The following ALS2 variants were observed in gnomAD, a reference collection of about 807,000 sequenced individuals.
The protein encoded by ALS2 is alsin.
In ALS2, 117 loss-of-function variants were observed where a neutral mutation model predicts 203.4. The ratio of observed to expected loss-of-function variants is 0.58; its 90% CI spans 0.50 to 0.67. ALS2 has a LOEUF of 0.67. ALS2 is among the 30% of genes least tolerant of loss of function. The pLI is 0.00. For missense variants in ALS2, 1,715 were observed against 1,989.4 expected, an observed-to-expected ratio of 0.86 and a Z score of 2.62; for synonymous variants, 718 against 725.9, an observed-to-expected ratio of 0.99 and a Z score of 0.17.
chr2:201,729,891 A>G (rs898280770), intron 13 of ALS2, among the ~76,000 whole-genome samples: 1 of 151,728 alleles, frequency 6.6e-6, no homozygotes, highest in African/African-American at 2.4e-5. Context: ...AAAAAAAAAA[A>G]AAAAAAAAAA....
intron 3 of ALS2, among the ~76,000 whole-genome samples, chr2:201,764,012 T>C (rs1400495913): frequency 6.6e-6 from 1 of 152,214 alleles, no homozygotes; most frequent in Non-Finnish European, 1.5e-5. Context: ...AACTTTATCT[T>C]TGACCTATTA....
chr2:201,780,058 G>C (rs1052421843), intron 1 of ALS2: 2 of 152,150 alleles, frequency 1.3e-5, no homozygotes, highest in Admixed American at 1.3e-4. Context: ...CTTCACTTGG[G>C]TACAGCAGTC....
chr2:201,741,424 A>C, intron 11 of ALS2: 1 of 430,932 alleles, frequency 2.3e-6, no homozygotes. Context: ...ATTTAATGTA[A>C]ATTATGCTAT....
Position 201,741,766 on chromosome 2 carries a change from T to G in ALS2, c.2259A>C (p.Gly753=), listed in dbSNP as rs760264607. The change falls in exon 11 of 34, where the codon GGA becomes GGC. Residue 753 remains glycine (G), a synonymous_variant. Transcript: ENST00000264276. ...SKLCYLIGQH[G]ASLSSFLHGV... ...CATGAAGGAAGCTGCTCAATGAGGC[T>G]CCATGCTGACCAATGAGGTAACACA... is the stretch of plus-strand genomic sequence containing the variant. 1 of 1,614,126 alleles carries G rather than the reference T, an allele frequency of 6.2e-7. No homozygotes were observed. Among genetic ancestry groups the G allele is most frequent in the Non-Finnish European group, 8.5e-7 (1 of 1,180,012 alleles).
intron 33 of ALS2, among the ~76,000 whole-genome samples, chr2:201,702,905 C>G (rs551347563): frequency 3.9e-5 from 6 of 152,282 alleles, no homozygotes; most frequent in Non-Finnish European, 7.4e-5. Flanking sequence ...CATCTGAGGT[C>G]AGGAGTTCGT....
chr2:201,744,526 CTG>C, intron 9 of ALS2, 97 bp from the exon 10 acceptor site: 2 of 1,270,122 alleles, frequency 1.6e-6, no homozygotes, highest in Admixed American at 2.0e-5. Flanking sequence ...CAAGAGCTAA[CTG>C]TTAAATATTC....
chr2:201,705,049 G>T, intron 31 of ALS2, 90 bp downstream of exon 31: 1 of 1,298,786 alleles, frequency 7.7e-7, no homozygotes, highest in Non-Finnish European at 1.1e-6. Context: ...GATGCTTAAG[G>T]CTTAGGTAAA....
In ALS2 at chr2:201,767,127, A is replaced by G. The variant is rs1694129504; in HGVS notation, c.175+102T>C. On this transcript the variant is annotated intron_variant, in intron 3 of 33. Transcript: ENST00000264276. Reference sequence around the variant, plus strand: ...ATTTAAAAAAAAAAGAAAGAAAAAGAAAAAGAACCCCTAGTATCCAATGAC... The same window carrying G: ...ATTTAAAAAAAAAAGAAAGAAAAAGGAAAAGAACCCCTAGTATCCAATGAC... 19 of 1,371,402 alleles carry G rather than the reference A, an allele frequency of 1.4e-5. No individual in the cohort carries two copies. The South Asian group carries it at 2.4e-4, about 17-fold the overall frequency. 85.0% of individuals were successfully genotyped at this position (1,371,402 alleles called of 1,614,324 possible).
intron 25 of ALS2, among the ~76,000 whole-genome samples, chr2:201,715,442 C>T (rs1164869379): frequency 6.6e-6 from 1 of 152,204 alleles, no homozygotes; most frequent in Non-Finnish European, 1.5e-5. Context: ...CCTCAATCTA[C>T]TTGTTGATAT....
chr2:201,712,405 T>C (rs1050528112), intron 25 of ALS2, among the ~76,000 whole-genome samples: 2 of 152,218 alleles, frequency 1.3e-5, no homozygotes, highest in Admixed American at 1.3e-4. Context: ...CATTTAATTA[T>C]TCAGAACAAA....
chr2:201,719,219 C>T (rs1420685510), intron 23 of ALS2, among the ~76,000 whole-genome samples: 1 of 152,198 alleles, frequency 6.6e-6, no homozygotes. Context: ...TTAAACCCCA[C>T]TGTGATGGTA....
Position 201,718,221 on chromosome 2 carries a change from T to C in ALS2, c.3703-11A>G, listed in dbSNP as rs1559041771. On this transcript the variant is annotated splice_polypyrimidine_tract_variant and intron_variant, in intron 23 of 33. Coordinates refer to ENST00000264276, the MANE Select transcript of ALS2 (RefSeq NM_020919.4). ...CATAGTCAGTGTTCCCTAGGTAAAG[T>C]CAGAGAATAAAATGTGGGGTTAGAG... 1 of 1,609,972 alleles carries C rather than the reference T, an allele frequency of 6.2e-7. No individual in the cohort carries two copies. The highest frequency in any genetic ancestry group is 8.5e-7 in the Non-Finnish European group (1 of 1,176,390).
At chr2:201,778,861 G>T (rs1211828077) in intron 1 of ALS2, among the ~76,000 whole-genome samples, 1 of 152,016 alleles carries the variant, frequency 6.6e-6, no homozygotes, top group Non-Finnish European at 1.5e-5. Flanking sequence ...TACCCAAAGC[G>T]GGCCTTCCTT....
At chr2:201,705,670 A>T (rs1011221252) in intron 29 of ALS2, among the ~76,000 whole-genome samples, 1 of 152,222 alleles carries the variant, frequency 6.6e-6, no homozygotes, top group African/African-American at 2.4e-5. Flanking sequence ...CCAATAACCT[A>T]CACGTTACAG....
Position 201,724,307 on chromosome 2 carries a change from T to C in ALS2, c.3500A>G (p.Asp1167Gly). The change falls in exon 21 of 34, where the codon GAT (aspartate) becomes GGT (glycine). Residue 1167 changes from aspartate to glycine, a missense_variant. Physicochemically the swap from Asp to Gly is moderately conservative, Grantham distance 94 (BLOSUM62 -1). This residue lies in a region of ALS2 where 1,227 missense variants were observed against 1,413.5 expected (regional missense o/e 0.87). Transcript: ENST00000264276. ...MDKKAGYGVF[D>G]DITRGEKYMG... Reference sequence around the variant, plus strand: ...GAGAATACTGTACCTAGTGATATCATCAAAGACACCATATCCTGCTTTCTT... The same window carrying C: ...GAGAATACTGTACCTAGTGATATCACCAAAGACACCATATCCTGCTTTCTT... 1 of 1,613,794 alleles carries C rather than the reference T, an allele frequency of 6.2e-7. No individual in the cohort carries two copies. The highest frequency in any genetic ancestry group is 8.5e-7 in the Non-Finnish European group (1 of 1,179,772).
intron 16 of ALS2, 22 bp downstream of exon 16, chr2:201,727,683 T>TGGGGGG: frequency 4.2e-6 from 4 of 951,210 alleles, no homozygotes; most frequent in Non-Finnish European, 5.9e-6. Flanking sequence ...CGGGGTGGGG[T>TGGGGGG]GGGGAGGGGG....
intron 8 of ALS2, among the ~76,000 whole-genome samples, chr2:201,749,218 T>A (rs1226379668): frequency 2.7e-5 from 4 of 147,248 alleles, no homozygotes; most frequent in Non-Finnish European, 1.5e-5. Flanking sequence ...CATCTAACAG[T>A]AAAAAAAAAA....
chr2:201,773,555 G>A (rs559355746), intron 1 of ALS2, among the ~76,000 whole-genome samples: 73 of 152,274 alleles, frequency 4.8e-4, no homozygotes, highest in African/African-American at 1.7e-3. Context: ...GATTCTGGTA[G>A]GATAAAATTT....
chr2:201,743,242 C>A (rs1017664800), intron 10 of ALS2, among the ~76,000 whole-genome samples: 1 of 151,978 alleles, frequency 6.6e-6, no homozygotes, highest in Non-Finnish European at 1.5e-5. Context: ...GACTGTAGGG[C>A]CAAACCCAGA....
Sources: gnomAD v4.1 joint callset for allele counts (sites outside exome capture counted in the v4.1 genomes callset) on GRCh38, gnomAD v4.1.1 for gene constraint, gnomAD v4.1.1 regional missense constraint, MANE v1.5 for transcripts, NCBI Gene and HGNC (gene_info 2026-07-23, HGNC 2026-07-21) for gene names.